ADCY8: variants seen among roughly 807,000 people sequenced by gnomAD.
ADCY8 encodes adenylate cyclase 8, also known as adenylate cyclase type 8.
A neutral mutation model predicts 119.7 loss-of-function variants in ADCY8; 51 were observed. The observed-to-expected ratio is 0.43, with a 90% CI of 0.34 to 0.54. The LOEUF (loss-of-function observed/expected upper bound fraction) is 0.54. Ranked by LOEUF, ADCY8 falls within the 20% of genes least tolerant of loss-of-function variation. The probability of loss-of-function intolerance (pLI) is 0.03; values close to 1 mark genes in which losing one functional copy is unlikely to be tolerated. For missense variants in ADCY8, 1,383 were observed against 1,598.8 expected, an observed-to-expected ratio of 0.87 and a Z score of 2.30; for synonymous variants, 665 against 651.0, an observed-to-expected ratio of 1.02 and a Z score of -0.33.
chr8:130,810,347 T>TCCACACAC (rs1816123101), intron 14 of ADCY8, among the ~76,000 whole-genome samples: 1 of 142,654 alleles, frequency 7.0e-6, no homozygotes, highest in East Asian at 2.1e-4. Flanking sequence ...TCTCTTTTTC[T>TCCACACAC]ACACACACAC....
intron 7 of ADCY8, among the ~76,000 whole-genome samples, chr8:130,891,694 G>T (rs1819193922): frequency 6.6e-6 from 1 of 152,086 alleles, no homozygotes; most frequent in Admixed American, 6.6e-5. Flanking sequence ...GATATGAGAT[G>T]AAATATTTTC....
intron 6 of ADCY8, among the ~76,000 whole-genome samples, chr8:130,907,281 G>C (rs1479813797): frequency 6.6e-6 from 1 of 152,040 alleles, no homozygotes; most frequent in Admixed American, 6.6e-5. Context: ...ATAAACTCTC[G>C]GGTAATTCCA....
intron 12 of ADCY8, among the ~76,000 whole-genome samples, chr8:130,827,408 A>G (rs1057281638): frequency 1.3e-5 from 2 of 152,158 alleles, no homozygotes; most frequent in African/African-American, 4.8e-5. Flanking sequence ...TTTGCATAAT[A>G]AGATTAGGGT....
chr8:130,930,211 TTAAG>T (rs1473704833), intron 5 of ADCY8, among the ~76,000 whole-genome samples: 3 of 152,186 alleles, frequency 2.0e-5, no homozygotes, highest in Non-Finnish European at 4.4e-5. Context: ...TCCTCTGAGG[TTAAG>T]TGATTTTCAC....
At chr8:130,937,335 T>G in intron 4 of ADCY8, 135 bp from the exon 5 acceptor site, 6 of 802,348 alleles carry the variant, frequency 7.5e-6, no homozygotes, top group South Asian at 2.4e-5. Flanking sequence ...TGAAATATAC[T>G]TCTACCTGTC....
chr8:130,992,273 T>C (rs1021237172), intron 1 of ADCY8, among the ~76,000 whole-genome samples: 2 of 147,394 alleles, frequency 1.4e-5, no homozygotes, highest in African/African-American at 2.5e-5. Context: ...AGAGATGGGG[T>C]TTCACCATGT....
In ADCY8 at chr8:130,943,445, A is replaced by G; in HGVS notation, c.1259T>C (p.Val420Ala). 1 of 1,569,442 alleles carries G rather than the reference A, an allele frequency of 6.4e-7. No homozygotes were observed. Among genetic ancestry groups the G allele is most frequent in the Non-Finnish European group, 8.7e-7 (1 of 1,149,498 alleles). ...YENVSILFADVKGFTNLSTTL... is the reference protein window; with the variant it reads ...YENVSILFADAKGFTNLSTTL... Reference sequence around the variant, plus strand: ...CGTGGAGAGGTTGGTAAATCCTTTAACATCTGCAAAAAGAATACTAAACAC... The same window carrying G: ...CGTGGAGAGGTTGGTAAATCCTTTAGCATCTGCAAAAAGAATACTAAACAC... The change falls in exon 4 of 18, where the codon GTT (valine) becomes GCT (alanine). Residue 420 changes from valine (V) to alanine (A), a missense_variant. By Grantham distance (64) the Val-to-Ala change is moderately conservative (BLOSUM62 0). Transcript: ENST00000286355.
At chr8:130,826,528 C>A (rs1816672707) in intron 12 of ADCY8, among the ~76,000 whole-genome samples, 2 of 152,186 alleles carry the variant, frequency 1.3e-5, no homozygotes, top group Admixed American at 1.3e-4. Context: ...TAGATACTAT[C>A]TATTCTAACT....
At chr8:130,957,522 C>T (rs966086032) in intron 2 of ADCY8, among the ~76,000 whole-genome samples, 1 of 152,172 alleles carries the variant, frequency 6.6e-6, no homozygotes. Flanking sequence ...ATTCAAGCTG[C>T]CTGCAGAAAT....
At chr8:131,011,540 C>A (rs1013561612) in intron 1 of ADCY8, among the ~76,000 whole-genome samples, 2 of 152,168 alleles carry the variant, frequency 1.3e-5, no homozygotes, top group Non-Finnish European at 2.9e-5. Flanking sequence ...GATGGGACAG[C>A]AAGGGCTCTG....
intron 2 of ADCY8, among the ~76,000 whole-genome samples, chr8:130,966,821 C>A (rs951281280): frequency 5.9e-5 from 9 of 152,244 alleles, no homozygotes; most frequent in South Asian, 4.1e-4. Flanking sequence ...GGGATTAAAT[C>A]AGTTAATATT....
intron 5 of ADCY8, among the ~76,000 whole-genome samples, chr8:130,910,943 G>GT (rs1819961732): frequency 6.6e-6 from 1 of 151,850 alleles, no homozygotes; most frequent in Non-Finnish European, 1.5e-5. Context: ...AACCTTCATT[G>GT]CCCCCAAATG....
At chr8:130,921,056 A>G (rs1261455264) in intron 5 of ADCY8, among the ~76,000 whole-genome samples, 1 of 152,210 alleles carries the variant, frequency 6.6e-6, no homozygotes. Context: ...CCCTAACACA[A>G]ACACCTTCCT....
intron 11 of ADCY8, among the ~76,000 whole-genome samples, chr8:130,839,008 A>G (rs1817067098): frequency 7.1e-6 from 1 of 140,370 alleles, no homozygotes; most frequent in Non-Finnish European, 1.6e-5. Flanking sequence ...TTCACACAGT[A>G]GAAAATGGAA....
chr8:131,038,661 A>G lies in ADCY8; in HGVS notation c.960+713T>C, dbSNP rs1002045661. On this transcript the variant is annotated intron_variant, in intron 1 of 17. Transcript: ENST00000286355. ...TATAATATTTAAAGCATCTACATCA[A>G]AATGCCCTTTTCCAATTAATCAAAA... is the stretch of plus-strand genomic sequence containing the variant. 2.6e-5 allele frequency among the ~76,000 whole-genome samples: 4 copies of G among 152,284 alleles called. No individual in the cohort carries two copies. In the East Asian group the frequency reaches 7.7e-4, roughly 29 times the overall value.
chr8:131,017,365 G>A (rs375427732), intron 1 of ADCY8, among the ~76,000 whole-genome samples: 4 of 152,214 alleles, frequency 2.6e-5, no homozygotes, highest in East Asian at 1.9e-4. Flanking sequence ...CCACCACACC[G>A]GGCTGGAATG....
chr8:130,868,712 C>A (rs989271218), intron 8 of ADCY8, among the ~76,000 whole-genome samples: 1 of 152,108 alleles, frequency 6.6e-6, no homozygotes, highest in Non-Finnish European at 1.5e-5. Flanking sequence ...CTGAAAAAGA[C>A]CTTAGAATTA....
intron 9 of ADCY8, among the ~76,000 whole-genome samples, chr8:130,864,894 T>C (rs201688797): frequency 6.6e-6 from 1 of 152,172 alleles, no homozygotes; most frequent in East Asian, 1.9e-4. Flanking sequence ...TTTTTTTTGG[T>C]GTGCCTTGTA....
intron 13 of ADCY8, among the ~76,000 whole-genome samples, chr8:130,815,589 G>A (rs1239241183): frequency 6.6e-6 from 1 of 152,174 alleles, no homozygotes; most frequent in Non-Finnish European, 1.5e-5. Flanking sequence ...TCACACATGA[G>A]TTAGTGGAAG....
Sources: allele counts gnomAD v4.1 joint callset (sites outside exome capture counted in the v4.1 genomes callset), GRCh38; gene constraint gnomAD v4.1.1; transcripts MANE v1.5; gene names NCBI Gene and HGNC (gene_info 2026-07-23, HGNC 2026-07-21).